The following KIAA1671 variants were observed in gnomAD, a reference collection of about 807,000 sequenced individuals.
KIAA1671 encodes KIAA1671.
KIAA1671 carries 52 observed loss-of-function variants against 131.2 expected under a neutral mutation model. That is an observed-to-expected ratio of 0.40 (90% CI 0.32 to 0.50). The LOEUF (loss-of-function observed/expected upper bound fraction) is 0.50, where lower values mean the gene tolerates loss of function less well. Ranked by LOEUF, KIAA1671 falls within the 20% of genes least tolerant of loss-of-function variation. The probability of loss-of-function intolerance (pLI) is 0.73; values close to 1 mark genes in which losing one functional copy is unlikely to be tolerated. For synonymous variants in KIAA1671, 1,003 were observed against 961.6 expected (o/e 1.04, Z -0.80); for missense variants, 2,360 against 2,364.2 (o/e 1.00, Z 0.04).
intron 1 of KIAA1671, among the ~76,000 whole-genome samples, chr22:24,987,303 T>C (rs1302239175): frequency 1.3e-5 from 2 of 151,932 alleles, no homozygotes; most frequent in African/African-American, 2.4e-5. Flanking sequence ...CTGGAGTAGC[T>C]GGGACTACAG....
At chr22:25,062,087 A>C (rs1283397575) in intron 6 of KIAA1671, 1 of 147,048 alleles carries the variant, frequency 6.8e-6, no homozygotes, top group Non-Finnish European at 1.5e-5. Flanking sequence ...GGGTCTGGCC[A>C]TGTTGCCAAG....
At chr22:25,124,664 G>A (rs1413943296) in intron 6 of KIAA1671, among the ~76,000 whole-genome samples, 1 of 152,164 alleles carries the variant, frequency 6.6e-6, no homozygotes, top group East Asian at 1.9e-4. Context: ...TAAATGCCAG[G>A]CACAGTTGCT....
chr22:25,188,605 T>C (rs917039960), intron 11 of KIAA1671, among the ~76,000 whole-genome samples: 1 of 152,182 alleles, frequency 6.6e-6, no homozygotes, highest in Admixed American at 6.5e-5. Flanking sequence ...ACTAATAGCC[T>C]AGTGTTGACC....
At chr22:24,997,989 T>G (rs1218292124) in intron 1 of KIAA1671, among the ~76,000 whole-genome samples, 1 of 152,252 alleles carries the variant, frequency 6.6e-6, no homozygotes, top group Non-Finnish European at 1.5e-5. Context: ...CTGCTTGTTT[T>G]GCAAACCTTA....
At chr22:25,113,125 C>T (rs1201355741) in intron 6 of KIAA1671, among the ~76,000 whole-genome samples, 1 of 152,146 alleles carries the variant, frequency 6.6e-6, no homozygotes, top group Non-Finnish European at 1.5e-5. Context: ...AGTGCAGAAA[C>T]AATCGTAAGG....
At chr22:25,183,615 C>T (rs903963817) in intron 10 of KIAA1671, among the ~76,000 whole-genome samples, 65 of 151,844 alleles carry the variant, frequency 4.3e-4, no homozygotes, top group Non-Finnish European at 7.8e-4. Context: ...CTCCGCCTCC[C>T]GGGTTCAAGC....
chr22:24,979,350 A>T (rs796337278), intron 1 of KIAA1671, among the ~76,000 whole-genome samples: 7,358 of 134,598 alleles, frequency 0.055, 563 homozygotes, highest in African/African-American at 0.18. Context: ...TTATTTATTT[A>T]TTTATTTATT....
At chr22:25,072,574 G>T (rs1019491478) in intron 6 of KIAA1671, among the ~76,000 whole-genome samples, 1 of 152,158 alleles carries the variant, frequency 6.6e-6, no homozygotes, top group African/African-American at 2.4e-5. Context: ...ATTAGCCCAG[G>T]TGTCTGCACT....
At chr22:25,179,266 G>A (rs979539703) in intron 9 of KIAA1671, 7 of 1,548,468 alleles carry the variant, frequency 4.5e-6, no homozygotes, top group Admixed American at 1.9e-5. Context: ...ACCAAAACCC[G>A]AACGTGTTCT....
chr22:25,091,355 G>A (rs1356548841), intron 6 of KIAA1671, among the ~76,000 whole-genome samples: 1 of 152,116 alleles, frequency 6.6e-6, no homozygotes, highest in East Asian at 1.9e-4. Flanking sequence ...ACCGTACCTG[G>A]CCTGGTCCAT....
At chr22:25,097,100 A>G (rs925556371) in intron 6 of KIAA1671, among the ~76,000 whole-genome samples, 1 of 152,216 alleles carries the variant, frequency 6.6e-6, no homozygotes. Flanking sequence ...CTTTGTATGG[A>G]CAAATGCTCT....
rs916173176 is a variant in KIAA1671 at position 25,074,190 on chromosome 22, A to T, written c.4530+24826A>T. On this transcript the variant is annotated intron_variant, in intron 6 of 12. Transcript: ENST00000358431. Reference sequence around the variant, plus strand: ...GTATGTGTAGATATATATAGAGAGGATATATATATATTATTGAATATATAT... The same window carrying T: ...GTATGTGTAGATATATATAGAGAGGTTATATATATATTATTGAATATATAT... Among the ~76,000 whole-genome samples, 5 of 87,232 alleles carry T rather than the reference A, an allele frequency of 5.7e-5. No homozygotes were observed. The East Asian group carries it at 1.4e-3, about 25-fold the overall frequency. 57.2% of individuals were successfully genotyped at this position (87,232 alleles called of 152,430 possible).
At chr22:24,970,464 A>G (rs980328134) in intron 1 of KIAA1671, among the ~76,000 whole-genome samples, 3 of 152,166 alleles carry the variant, frequency 2.0e-5, no homozygotes, top group African/African-American at 4.8e-5. Context: ...TTGAACCAAT[A>G]CATTATACAA....
intron 6 of KIAA1671, chr22:25,053,492 G>A (rs938995071): frequency 1.3e-5 from 2 of 152,358 alleles, no homozygotes; most frequent in South Asian, 4.1e-4. Context: ...ATGGGCCAGC[G>A]GGAGGGCCTC....
At chr22:25,004,183 G>A (rs1223660485) in intron 1 of KIAA1671, among the ~76,000 whole-genome samples, 1 of 148,724 alleles carries the variant, frequency 6.7e-6, no homozygotes, top group African/African-American at 2.5e-5. Context: ...TGGTTTTATC[G>A]TAGCTCACTG....
intron 6 of KIAA1671, among the ~76,000 whole-genome samples, chr22:25,091,182 C>A (rs6004432): frequency 6.6e-6 from 1 of 151,876 alleles, no homozygotes; most frequent in Non-Finnish European, 1.5e-5. Context: ...CTCAGCCTCC[C>A]GAGTAGCTGG....
intron 6 of KIAA1671, chr22:25,051,741 G>A: frequency 6.6e-6 from 1 of 152,314 alleles, no homozygotes; most frequent in Non-Finnish European, 1.5e-5. Context: ...GCCCCTGGTG[G>A]CTGTCCCTGC....
chr22:25,023,459 G>C (rs1408011037), intron 1 of KIAA1671: 4 of 152,330 alleles, frequency 2.6e-5, no homozygotes, highest in African/African-American at 9.6e-5. Flanking sequence ...GTGGGCTTCA[G>C]AAAGGTTTTC....
chr22:25,153,273 C>T (rs1340245591), intron 6 of KIAA1671, among the ~76,000 whole-genome samples: 1 of 152,218 alleles, frequency 6.6e-6, no homozygotes, highest in African/African-American at 2.4e-5. Flanking sequence ...GTTGAGACTG[C>T]ACCAACTAGA....
Sources: gnomAD v4.1 joint callset for allele counts (sites outside exome capture counted in the v4.1 genomes callset) on GRCh38, gnomAD v4.1.1 for gene constraint, MANE v1.5 for transcripts, NCBI Gene and HGNC (gene_info 2026-07-23, HGNC 2026-07-21) for gene names.